The following RTTN variants were observed in gnomAD, a reference collection of about 807,000 sequenced individuals.
RTTN encodes the protein rotatin.
RTTN carries 182 observed loss-of-function variants against 269.2 expected under a neutral mutation model. That is an observed-to-expected ratio of 0.68 (90% CI 0.60 to 0.76). RTTN has a LOEUF of 0.76. RTTN is among the 30% of genes least tolerant of loss of function. The pLI, the probability that RTTN is intolerant of heterozygous loss-of-function variation, is 0.00. For synonymous variants in RTTN, 1,006 were observed against 963.5 expected (o/e 1.04, Z -0.82); for missense variants, 2,545 against 2,608.6 (o/e 0.98, Z 0.53).
intron 46 of RTTN, among the ~76,000 whole-genome samples, chr18:70,017,092 C>G (rs988625915): frequency 1.3e-4 from 19 of 151,992 alleles, no homozygotes; most frequent in African/African-American, 3.6e-4. Context: ...AAGAGGGGAG[C>G]TGGAGTTAGA....
intron 10 of RTTN, among the ~76,000 whole-genome samples, chr18:70,177,465 C>A (rs967882549): frequency 6.6e-6 from 1 of 152,092 alleles, no homozygotes; most frequent in Non-Finnish European, 1.5e-5. Context: ...GAAATCATAT[C>A]TTTTAAACTA....
At chr18:70,172,738 A>G (rs2061174453) in intron 11 of RTTN, among the ~76,000 whole-genome samples, 1 of 152,196 alleles carries the variant, frequency 6.6e-6, no homozygotes, top group Non-Finnish European at 1.5e-5. Context: ...TCTGGCACTA[A>G]GTAAAATAAA....
intron 10 of RTTN, among the ~76,000 whole-genome samples, chr18:70,179,698 A>C (rs2061378129): frequency 6.6e-6 from 1 of 152,214 alleles, no homozygotes; most frequent in South Asian, 2.1e-4. Flanking sequence ...TTACCAATAA[A>C]ACAGATTTTA....
chr18:70,112,904 C>T (rs972998540), intron 27 of RTTN, among the ~76,000 whole-genome samples: 11 of 152,066 alleles, frequency 7.2e-5, no homozygotes, highest in Non-Finnish European at 1.3e-4. Context: ...TAAAATTGAC[C>T]ACATAATTGG....
intron 14 of RTTN, among the ~76,000 whole-genome samples, chr18:70,163,358 G>A (rs1242944068): frequency 6.6e-6 from 1 of 151,472 alleles, no homozygotes; most frequent in South Asian, 2.1e-4. Flanking sequence ...CTCCAGCCTG[G>A]TGACACAGCG....
intron 32 of RTTN, 101 bp from the exon 33 acceptor site, chr18:70,075,642 T>C (rs1336973050): frequency 1.4e-5 from 12 of 851,602 alleles, no homozygotes; most frequent in Non-Finnish European, 1.9e-5. Flanking sequence ...GGGTCCCAGA[T>C]GCTCCCATCT....
chr18:70,108,168 T>C (rs2059371582), intron 28 of RTTN, among the ~76,000 whole-genome samples: 1 of 152,044 alleles, frequency 6.6e-6, no homozygotes. Context: ...TCCCAGCTAC[T>C]TGGGAGGCTG....
intron 40 of RTTN, among the ~76,000 whole-genome samples, chr18:70,031,632 A>G (rs1329762788): frequency 6.6e-6 from 1 of 151,950 alleles, no homozygotes; most frequent in African/African-American, 2.4e-5. Flanking sequence ...ATATGTACAA[A>G]AGCAGACACA....
At chr18:70,049,370 G>A (rs1405848630) in intron 39 of RTTN, among the ~76,000 whole-genome samples, 2 of 152,092 alleles carry the variant, frequency 1.3e-5, no homozygotes, top group African/African-American at 4.8e-5. Context: ...AAATCCCAAT[G>A]TCTTAATCAG....
chr18:70,204,288 G>A (rs751990364), intron 2 of RTTN, 25 bp from the exon 3 acceptor site: 19 of 1,570,914 alleles, frequency 1.2e-5, no homozygotes, highest in Non-Finnish European at 1.6e-5. Flanking sequence ...GGATGATCTT[G>A]AGAATAACTG....
intron 6 of RTTN, 115 bp from the exon 7 acceptor site, chr18:70,196,763 C>T: frequency 9.7e-7 from 1 of 1,032,756 alleles, no homozygotes; most frequent in East Asian, 2.5e-5. Flanking sequence ...AAATAAGTTG[C>T]CAAATATTTG....
intron 21 of RTTN, chr18:70,138,443 T>C (rs1168864517): frequency 6.6e-6 from 1 of 152,176 alleles, no homozygotes; most frequent in Non-Finnish European, 1.5e-5. Context: ...CCTTGAAATG[T>C]GCTTTTGAAT....
At chr18:70,029,878 A>C (rs1260622363) in intron 42 of RTTN, 134 bp downstream of exon 42, 1 of 621,044 alleles carries the variant, frequency 1.6e-6, no homozygotes, top group Non-Finnish European at 2.8e-6. Context: ...GCTAATGTAG[A>C]AGTCTCATTA....
chr18:70,169,773 G>A (rs1012857574), intron 11 of RTTN, among the ~76,000 whole-genome samples: 37 of 152,132 alleles, frequency 2.4e-4, no homozygotes, highest in Non-Finnish European at 3.4e-4. Flanking sequence ...CTAGTTTTGT[G>A]ACAGGATTCT....
At chr18:70,124,102 G>A in intron 25 of RTTN, among the ~76,000 whole-genome samples, 1 of 151,850 alleles carries the variant, frequency 6.6e-6, no homozygotes, top group East Asian at 1.9e-4. Flanking sequence ...ATTTAAAGCA[G>A]GGTGGGGGGA....
intron 20 of RTTN, 131 bp from the exon 21 acceptor site, chr18:70,139,847 A>C: frequency 1.5e-6 from 1 of 659,098 alleles, no homozygotes; most frequent in South Asian, 2.0e-5. Context: ...AATGTAAATA[A>C]ATACTAGGAA....
At position 70,046,508 on chromosome 18, in the gene RTTN, G is replaced by T. The variant is rs541671272; in HGVS notation, c.5541+1463C>A. 9.2e-5 allele frequency among the ~76,000 whole-genome samples: 14 copies of T among 152,298 alleles called. No homozygotes were observed. In the South Asian group the frequency reaches 2.5e-3, roughly 27 times the overall value. On this transcript the variant is annotated intron_variant, in intron 40 of 48. Transcript: ENST00000640769. Reference sequence around the variant, plus strand: ...GTTGTGGTTGGGAGACTTTTGAAAAGGTTTGAATTTTCCTCCTTACAACAT... The same window carrying T: ...GTTGTGGTTGGGAGACTTTTGAAAATGTTTGAATTTTCCTCCTTACAACAT...
chr18:70,035,767 C>CA (rs1468515641), intron 40 of RTTN, among the ~76,000 whole-genome samples: 1 of 152,134 alleles, frequency 6.6e-6, no homozygotes, highest in Admixed American at 6.5e-5. Context: ...ACAGAGTAAA[C>CA]AGACAACCTA....
At chr18:70,120,386 C>T (rs1377621959) in intron 26 of RTTN, among the ~76,000 whole-genome samples, 1 of 152,078 alleles carries the variant, frequency 6.6e-6, no homozygotes, top group Non-Finnish European at 1.5e-5. Flanking sequence ...CGATAATAAA[C>T]CTCTAAATAA....
Sources: allele counts gnomAD v4.1 joint callset (sites outside exome capture counted in the v4.1 genomes callset), GRCh38; gene constraint gnomAD v4.1.1; transcripts MANE v1.5; gene names NCBI Gene and HGNC (gene_info 2026-07-23, HGNC 2026-07-21).